GASK1A: variants seen among roughly 807,000 people sequenced by gnomAD.
GASK1A encodes the protein golgi associated kinase 1A.
Under a neutral mutation model 41.2 loss-of-function variants are expected in GASK1A, and 40 were observed. The observed-to-expected ratio is 0.97, with a 90% CI of 0.75 to 1.27. The LOEUF (loss-of-function observed/expected upper bound fraction) is 1.27. GASK1A is among the 50% of genes most tolerant of loss of function. The pLI is 0.00. For missense variants in GASK1A, 678 were observed against 745.1 expected (o/e 0.91, Z 1.05); for synonymous variants, 316 against 307.1 (o/e 1.03, Z -0.30).
At chr3:43,005,815 A>C (rs1275338990) in intron 1 of GASK1A, among the ~76,000 whole-genome samples, 1 of 152,206 alleles carries the variant, frequency 6.6e-6, no homozygotes, top group Non-Finnish European at 1.5e-5. Context: ...AACTGTGGCA[A>C]AAGTTACAGC....
chr3:43,004,316 A>G (rs990956124), intron 1 of GASK1A, among the ~76,000 whole-genome samples: 1 of 152,228 alleles, frequency 6.6e-6, no homozygotes, highest in African/African-American at 2.4e-5. Flanking sequence ...AGGCTAATGA[A>G]TGACTTCTCA....
At chr3:42,985,084 G>C (rs2089301683) in intron 1 of GASK1A, among the ~76,000 whole-genome samples, 1 of 152,044 alleles carries the variant, frequency 6.6e-6, no homozygotes, top group Non-Finnish European at 1.5e-5. Context: ...GTGAAGGGAA[G>C]GTAGAGCTTC....
Position 43,053,631 on chromosome 3 carries a change from G to A in GASK1A, c.1401G>A (p.Leu467=). ...GCCAGAACCCAGCCGAGCTGCGGCTGGTCCACATCCTGGTACGTCTCCTCC... is the reference window on the plus strand; with the variant it reads ...GCCAGAACCCAGCCGAGCTGCGGCTAGTCCACATCCTGGTACGTCTCCTCC... The part of the protein sequence containing the change: ...EKCQNPAELR[L]VHILVRSSDP... Residue 467 remains leucine, a synonymous_variant, in exon 3 of 5, where the codon CTG becomes CTA. Coordinates refer to ENST00000430121, the MANE Select transcript of GASK1A (RefSeq NM_001129908.3). 1 of 1,551,706 alleles carries A rather than the reference G, an allele frequency of 6.4e-7. No individual in the cohort carries two copies. Among genetic ancestry groups the A allele is most frequent in the Non-Finnish European group, 8.7e-7 (1 of 1,147,002 alleles).
intron 1 of GASK1A, among the ~76,000 whole-genome samples, chr3:43,011,892 G>C (rs2089465293): frequency 6.6e-6 from 1 of 151,770 alleles, no homozygotes; most frequent in Admixed American, 6.6e-5. Context: ...TGAAGTCATA[G>C]GAAGGGGTAG....
intron 1 of GASK1A, among the ~76,000 whole-genome samples, chr3:43,009,923 G>A (rs1036985581): frequency 6.1e-4 from 93 of 152,328 alleles, no homozygotes; most frequent in Non-Finnish European, 1.0e-4. Context: ...GGGGGGCAGG[G>A]GCCAAGCCTT....
rs543990422 is a variant in GASK1A, at chr3:43,055,221, T to C, written c.1414-211T>C. ...TAACACTAGTGCCTGCTTCCTAAGGTTACTGGGAGAATTAATTGACAGGAT... is the reference window on the plus strand; with the variant it reads ...TAACACTAGTGCCTGCTTCCTAAGGCTACTGGGAGAATTAATTGACAGGAT... On this transcript the variant is annotated intron_variant, in intron 3 of 4. Transcript: ENST00000430121. 7.9e-5 allele frequency among the ~76,000 whole-genome samples: 12 copies of C among 152,204 alleles called. No individual in the cohort carries two copies. In the South Asian group the frequency reaches 1.7e-3, roughly 21 times the overall value.
intron 2 of GASK1A, among the ~76,000 whole-genome samples, chr3:43,046,075 T>G (rs1386819532): frequency 6.6e-6 from 1 of 151,676 alleles, no homozygotes; most frequent in Non-Finnish European, 1.5e-5. Flanking sequence ...CCACAAAGAG[T>G]GGGGTGCTGC....
chr3:43,005,202 G>A (rs756657898), intron 1 of GASK1A, among the ~76,000 whole-genome samples: 7 of 152,124 alleles, frequency 4.6e-5, no homozygotes, highest in Non-Finnish European at 8.8e-5. Context: ...CACACCGTCC[G>A]AATCCCTCTA....
intron 1 of GASK1A, among the ~76,000 whole-genome samples, chr3:43,015,787 C>T (rs1024370123): frequency 1.4e-5 from 2 of 142,278 alleles, no homozygotes; most frequent in Non-Finnish European, 3.0e-5. Context: ...AGGGGCAGGG[C>T]AGTGTGAAGT....
At chr3:43,037,958 A>G (rs1240788109) in intron 2 of GASK1A, among the ~76,000 whole-genome samples, 2 of 152,234 alleles carry the variant, frequency 1.3e-5, no homozygotes, top group African/African-American at 2.4e-5. Flanking sequence ...CTTAAATTTC[A>G]TCACTGTTGA....
rs1051450756 is a variant in GASK1A, at chr3:43,032,265, A to C, written c.4-2A>C. 1.8e-5 allele frequency: 28 copies of C among 1,513,670 alleles called. No individual in the cohort carries two copies. Among genetic ancestry groups the C allele is most frequent in the Non-Finnish European group, 2.4e-5 (27 of 1,121,838 alleles). The allele number at this position is 1,513,670 out of a possible 1,614,324, so 93.8% of individuals were successfully genotyped here. On this transcript the variant is annotated splice_acceptor_variant, in intron 1 of 4. Coordinates refer to ENST00000430121, the MANE Select transcript of GASK1A (RefSeq NM_001129908.3). LOFTEE classifies it high-confidence loss of function. ...AGCTTTTCTTTCTACCCTGTCTCTCAGGCGTCTTGGCTCCGGAGAAAGCTG... is the reference window on the plus strand; with the variant it reads ...AGCTTTTCTTTCTACCCTGTCTCTCCGGCGTCTTGGCTCCGGAGAAAGCTG...
At chr3:43,006,156 TG>T (rs1488555724) in intron 1 of GASK1A, among the ~76,000 whole-genome samples, 1 of 152,184 alleles carries the variant, frequency 6.6e-6, no homozygotes, top group Non-Finnish European at 1.5e-5. Context: ...TTTCTTTCTT[TG>T]GAAACCCCCT....
At chr3:42,982,213 G>A (rs2089285983) in intron 1 of GASK1A, among the ~76,000 whole-genome samples, 1 of 152,142 alleles carries the variant, frequency 6.6e-6, no homozygotes, top group Non-Finnish European at 1.5e-5. Flanking sequence ...GTGGTGGGAG[G>A]TTTGGTGTTT....
chr3:42,987,561 TAAC>T (rs1435055106), intron 1 of GASK1A, among the ~76,000 whole-genome samples: 8 of 151,536 alleles, frequency 5.3e-5, no homozygotes, highest in African/African-American at 9.7e-5. Context: ...AGAAGTAACT[TAAC>T]AATGATACTA....
intron 2 of GASK1A, among the ~76,000 whole-genome samples, chr3:43,041,672 C>T (rs1435716407): frequency 8.5e-5 from 13 of 152,216 alleles, no homozygotes; most frequent in Non-Finnish European, 2.9e-5. Flanking sequence ...TCAGTTTATC[C>T]TCTTGGGCTT....
chr3:43,040,883 CG>C (rs1255843855), intron 2 of GASK1A, among the ~76,000 whole-genome samples: 4 of 123,376 alleles, frequency 3.2e-5, no homozygotes, highest in African/African-American at 5.3e-5. Context: ...CCCTCCCCCC[CG>C]CCACAACAGT....
At chr3:43,030,364 C>G (rs1169832257) in intron 1 of GASK1A, among the ~76,000 whole-genome samples, 2 of 152,184 alleles carry the variant, frequency 1.3e-5, no homozygotes, top group African/African-American at 4.8e-5. Context: ...TGGATTAGGC[C>G]TTTTTGGCTG....
chr3:43,014,437 G>A (rs1349699050), intron 1 of GASK1A, among the ~76,000 whole-genome samples: 2 of 151,996 alleles, frequency 1.3e-5, no homozygotes, highest in Non-Finnish European at 2.9e-5. Context: ...CCACAGAAGG[G>A]GCAGTGTGAC....
chr3:43,032,190 T>A lies in GASK1A; in HGVS notation c.4-77T>A, dbSNP rs1575447012. On this transcript the variant is annotated intron_variant, in intron 1 of 4. Transcript: ENST00000430121. ...TCATGAACTGAGCACCTCATTTGCT[T>A]ACCATCCCCATTGTTTTGTGGGTTG... 5 of 1,190,546 alleles carry A rather than the reference T, an allele frequency of 4.2e-6. No homozygotes were observed. In the East Asian group the frequency reaches 7.8e-5, roughly 19 times the overall value. The allele number at this position is 1,190,546 out of a possible 1,614,324, so 73.7% of individuals were successfully genotyped here. A position where few individuals can be genotyped will look rare whatever the true frequency, so the allele number is the denominator to read the frequency against.
Sources: gnomAD v4.1 joint callset for allele counts (sites outside exome capture counted in the v4.1 genomes callset) on GRCh38, gnomAD v4.1.1 for gene constraint, MANE v1.5 for transcripts, NCBI Gene and HGNC (gene_info 2026-07-23, HGNC 2026-07-21) for gene names.